The following EPHA6 variants were observed in gnomAD, a reference collection of about 807,000 sequenced individuals.
EPHA6 encodes the protein EPH receptor A6.
In EPHA6, 50 loss-of-function variants were observed where a neutral mutation model predicts 112.0. The ratio of observed to expected loss-of-function variants is 0.45; its 90% CI spans 0.36 to 0.56. The LOEUF (loss-of-function observed/expected upper bound fraction) is 0.56. EPHA6 is among the 20% of genes least tolerant of loss of function. The pLI is 0.00. For missense variants in EPHA6, 1,280 were observed against 1,417.4 expected (o/e 0.90, Z 1.56); for synonymous variants, 529 against 490.7 (o/e 1.08, Z -1.03).
chr3:97,082,272 AAT>A (rs1380509330), intron 3 of EPHA6, among the ~76,000 whole-genome samples: 1 of 151,896 alleles, frequency 6.6e-6, no homozygotes, highest in Admixed American at 6.6e-5. Context: ...ATGTTGGAAA[AAT>A]ATAAAACTAT....
At chr3:97,083,813 G>C (rs541584916) in intron 3 of EPHA6, among the ~76,000 whole-genome samples, 9 of 151,630 alleles carry the variant, frequency 5.9e-5, no homozygotes, top group Non-Finnish European at 1.3e-4. Flanking sequence ...ATTTGTAATA[G>C]TTAAGTAATG....
intron 2 of EPHA6, among the ~76,000 whole-genome samples, chr3:96,925,228 T>G (rs1283618705): frequency 6.6e-6 from 1 of 152,162 alleles, no homozygotes; most frequent in African/African-American, 2.4e-5. Flanking sequence ...ATGTTACAGC[T>G]CTTTTTTGTG....
Position 97,479,417 on chromosome 3 carries a change from G to C in EPHA6, c.2074+53G>C. The C allele has an allele frequency of 2.4e-6, 3 of 1,253,202 alleles. No homozygotes were observed. In the South Asian group the frequency reaches 4.6e-5, roughly 19 times the overall value. The allele number at this position is 1,253,202 out of a possible 1,614,324, so 77.6% of individuals were successfully genotyped here. ...TATTTTGTACTGTTCCAGCACTTCA[G>C]GAGTTCATTCAAACTGTATCTATTG... On this transcript the variant is annotated intron_variant, in intron 9 of 17. Transcript: ENST00000389672.
intron 11 of EPHA6, among the ~76,000 whole-genome samples, chr3:97,545,512 C>T (rs550409560): frequency 1.2e-4 from 18 of 152,098 alleles, no homozygotes; most frequent in African/African-American, 2.6e-4. Context: ...GAATAGGTGT[C>T]GTGTGGTGCT....
chr3:96,872,578 C>T (rs2036691701), intron 2 of EPHA6, among the ~76,000 whole-genome samples: 1 of 152,042 alleles, frequency 6.6e-6, no homozygotes, highest in African/African-American at 2.4e-5. Flanking sequence ...CTTCACTTTT[C>T]AGGGAAAATT....
intron 2 of EPHA6, among the ~76,000 whole-genome samples, chr3:96,885,696 T>C (rs1046285987): frequency 2.0e-5 from 3 of 152,168 alleles, no homozygotes; most frequent in African/African-American, 7.2e-5. Flanking sequence ...TCATTATCTT[T>C]TGTAATTTTT....
At position 97,655,045 on chromosome 3, in the gene EPHA6, T is replaced by C. The variant is rs377068464; in HGVS notation, c.2784+16963T>C. On this transcript the variant is annotated intron_variant, in intron 14 of 17. Coordinates refer to ENST00000389672, the MANE Select transcript of EPHA6 (RefSeq NM_001080448.3). Reference sequence around the variant, plus strand: ...AAGAAAATGAAGAGTGGTGAAGATATTTGGGATATCTTGTGGCAGTAGATC... The same window carrying C: ...AAGAAAATGAAGAGTGGTGAAGATACTTGGGATATCTTGTGGCAGTAGATC... Among the ~76,000 whole-genome samples the C allele has an allele frequency of 2.3e-4, 34 of 150,620 alleles. No homozygotes were observed. In the South Asian group the frequency reaches 2.7e-3, roughly 12 times the overall value.
intron 2 of EPHA6, among the ~76,000 whole-genome samples, chr3:96,935,711 A>G (rs2040545186): frequency 7.2e-6 from 1 of 138,072 alleles, no homozygotes; most frequent in African/African-American, 2.6e-5. Context: ...TATTATATAT[A>G]CATTATATAT....
chr3:97,541,348 T>C (rs2092847302), intron 11 of EPHA6, among the ~76,000 whole-genome samples: 1 of 152,204 alleles, frequency 6.6e-6, no homozygotes, highest in Non-Finnish European at 1.5e-5. Context: ...TCCCCTGTAA[T>C]TTTAGTATTT....
At chr3:96,983,747 C>T (rs1369514954) in intron 2 of EPHA6, among the ~76,000 whole-genome samples, 1 of 152,098 alleles carries the variant, frequency 6.6e-6, no homozygotes, top group Non-Finnish European at 1.5e-5. Flanking sequence ...AGGCTTTGTT[C>T]ATTTCTTTTT....
chr3:97,298,880 A>C (rs1367950727), intron 5 of EPHA6, among the ~76,000 whole-genome samples: 1 of 152,064 alleles, frequency 6.6e-6, no homozygotes, highest in Middle Eastern at 3.2e-3. Flanking sequence ...TCATTAATCT[A>C]CTCCTAATAA....
intron 2 of EPHA6, among the ~76,000 whole-genome samples, chr3:96,969,499 G>A (rs1434391322): frequency 6.6e-6 from 1 of 151,762 alleles, no homozygotes; most frequent in African/African-American, 2.4e-5. Context: ...AAATATGAAG[G>A]TCTAATATAT....
At chr3:97,299,825 G>A (rs933159711) in intron 5 of EPHA6, among the ~76,000 whole-genome samples, 2 of 152,076 alleles carry the variant, frequency 1.3e-5, no homozygotes, top group South Asian at 4.1e-4. Flanking sequence ...CTCTTCTTAG[G>A]TTGTGCCTCA....
intron 14 of EPHA6, among the ~76,000 whole-genome samples, chr3:97,672,392 G>T (rs1484189531): frequency 6.6e-6 from 1 of 152,042 alleles, no homozygotes; most frequent in Non-Finnish European, 1.5e-5. Context: ...TATTAGTTCT[G>T]AAAAATTAGT....
At chr3:97,588,071 T>A (rs1477278895) in intron 11 of EPHA6, among the ~76,000 whole-genome samples, 1 of 152,178 alleles carries the variant, frequency 6.6e-6, no homozygotes, top group East Asian at 1.9e-4. Context: ...TTTATTTGTA[T>A]CAACTAGTAT....
intron 13 of EPHA6, among the ~76,000 whole-genome samples, chr3:97,612,090 G>C (rs996148835): frequency 2.6e-5 from 4 of 151,898 alleles, no homozygotes; most frequent in Non-Finnish European, 5.9e-5. Flanking sequence ...GAGGTGTTTG[G>C]GGACATGAAC....
At chr3:97,001,643 G>A (rs2043668160) in intron 3 of EPHA6, among the ~76,000 whole-genome samples, 1 of 151,892 alleles carries the variant, frequency 6.6e-6, no homozygotes, top group African/African-American at 2.4e-5. Flanking sequence ...TTTAGAATGA[G>A]TATCAATAAA....
chr3:97,190,542 A>G (rs1422027222), intron 3 of EPHA6, among the ~76,000 whole-genome samples: 3 of 152,132 alleles, frequency 2.0e-5, no homozygotes, highest in Non-Finnish European at 4.4e-5. Flanking sequence ...TAGTATCTGG[A>G]GGAACCCAAA....
intron 14 of EPHA6, among the ~76,000 whole-genome samples, chr3:97,678,981 A>C (rs2031636111): frequency 6.6e-6 from 1 of 152,128 alleles, no homozygotes; most frequent in Non-Finnish European, 1.5e-5. Context: ...ATCTCTATTT[A>C]TTGTGATAAC....
Sources: gnomAD v4.1 joint callset for allele counts (sites outside exome capture counted in the v4.1 genomes callset) on GRCh38, gnomAD v4.1.1 for gene constraint, MANE v1.5 for transcripts, NCBI Gene and HGNC (gene_info 2026-07-23, HGNC 2026-07-21) for gene names.